Variants in XK observed in about 807,000 individuals in gnomAD.
The protein encoded by XK is X-linked Kx blood group antigen, Kell and VPS13A binding protein.
A neutral mutation model predicts 14.0 loss-of-function variants in XK; 2 were observed. That is an observed-to-expected ratio of 0.14 (90% CI 0.06 to 0.45). The LOEUF (loss-of-function observed/expected upper bound fraction) is 0.45, where lower values mean the gene tolerates loss of function less well. Ranked by LOEUF, XK falls within the 20% of genes least tolerant of loss-of-function variation. The pLI, the probability that XK is intolerant of heterozygous loss-of-function variation, is 0.98. For synonymous variants in XK, 149 were observed against 147.5 expected, an observed-to-expected ratio of 1.01 and a Z score of -0.08; for missense variants, 235 against 341.5, an observed-to-expected ratio of 0.69 and a Z score of 2.46.
At position 37,729,814 on chromosome X, in the gene XK, A is replaced by G. The variant is rs1556450717; in HGVS notation, c.*1352A>G. 4 of 111,838 alleles carry G rather than the reference A, an allele frequency of 3.6e-5. No individual in the cohort carries two copies. The highest frequency in any genetic ancestry group is 7.5e-5 in the Non-Finnish European group (4 of 53,098). 9.2% of individuals were successfully genotyped at this position (111,838 alleles called of 1,213,427 possible). On this transcript the variant is annotated 3_prime_UTR_variant, in exon 3 of 3. Coordinates refer to ENST00000378616, the MANE Select transcript of XK (RefSeq NM_021083.4). ...TGGACTCGATTTTACCATATGGAAT[A>G]GGGATCCACTTCTCTGTTAACCTAC...
intron 2 of XK, among the ~76,000 whole-genome samples, chrX:37,701,409 C>T (rs1927414368): frequency 8.9e-6 from 1 of 112,726 alleles, no homozygotes; most frequent in East Asian, 2.8e-4. Context: ...TTGTAGCAAT[C>T]TGTCCCCTTG....
intron 2 of XK, among the ~76,000 whole-genome samples, chrX:37,714,237 CT>C (rs1234852554): frequency 9.0e-6 from 1 of 111,621 alleles, no homozygotes; most frequent in Non-Finnish European, 1.9e-5. Context: ...CCAGCCTCTG[CT>C]TGATTATATT....
At chrX:37,711,302 T>G (rs1927659926) in intron 2 of XK, among the ~76,000 whole-genome samples, 1 of 112,318 alleles carries the variant, frequency 8.9e-6, no homozygotes, top group African/African-American at 3.2e-5. Flanking sequence ...AAAGATTCTG[T>G]GCACGTTGCC....
chrX:37,694,278 G>A lies in XK; in HGVS notation c.246-8G>A, dbSNP rs782347819. ...TCTAATTATTATGATTTCCTGATTT[G>A]TTTTCAGGTGTTTTGAAGTCTTCTG... On this transcript the variant is annotated splice_polypyrimidine_tract_variant and splice_region_variant and intron_variant, in intron 1 of 2. Coordinates refer to ENST00000378616, the MANE Select transcript of XK (RefSeq NM_021083.4). 2 of 1,211,112 alleles carry A rather than the reference G, an allele frequency of 1.7e-6. No individual in the cohort carries two copies. Among genetic ancestry groups the A allele is most frequent in the South Asian group, 1.8e-5 (1 of 56,824 alleles).
At chrX:37,688,188 G>C (rs112196715) in intron 1 of XK, among the ~76,000 whole-genome samples, 278 of 107,597 alleles carry the variant, frequency 2.6e-3, no homozygotes, top group African/African-American at 8.9e-3. Context: ...AGCCTCCTGA[G>C]TAGCTGGGAC....
chrX:37,728,030 A>C lies in XK; in HGVS notation c.903A>C (p.Lys301Asn). ...NMFCWSAVQL[K>N]IDSPDLISKS... ...TCTGCTGGTCTGCTGTACAGCTGAA[A>C]ATTGACAGCCCTGACCTCATCAGCA... The change falls in exon 3 of 3, where the codon AAA becomes AAC. Residue 301 changes from lysine (K) to asparagine (N), a missense_variant. Transcript: ENST00000378616. The C allele has an allele frequency of 8.3e-7, 1 of 1,211,387 alleles. No individual in the cohort carries two copies. The highest frequency in any genetic ancestry group is 1.1e-6 in the Non-Finnish European group (1 of 895,420).
intron 2 of XK, among the ~76,000 whole-genome samples, chrX:37,721,568 G>A (rs1927871790): frequency 1.8e-5 from 2 of 111,631 alleles, no homozygotes; most frequent in South Asian, 7.3e-4. Context: ...TGATGAAGAT[G>A]TGGAAAAATT....
At position 37,705,212 on chromosome X, in the gene XK, A is replaced by G. The variant is rs200206475; in HGVS notation, c.508+10664A>G. Among the ~76,000 whole-genome samples, 107 of 109,626 alleles carry G rather than the reference A, an allele frequency of 9.8e-4. No individual in the cohort carries two copies. The East Asian group carries it at 0.012, about 12-fold the overall frequency. On this transcript the variant is annotated intron_variant, in intron 2 of 2. Transcript: ENST00000378616. ...TGTAATCCCAGCACTTTGGGGGGCC[A>G]AGGCGGGCGGATCACGAGGTCAGGA...
chrX:37,687,312 G>C (rs1162271947), intron 1 of XK, among the ~76,000 whole-genome samples: 2 of 108,878 alleles, frequency 1.8e-5, no homozygotes, highest in East Asian at 5.7e-4. Flanking sequence ...TTATCAGCCA[G>C]GCTGGAGTGC....
intron 2 of XK, among the ~76,000 whole-genome samples, chrX:37,700,408 C>A (rs1556443524): frequency 8.9e-6 from 1 of 111,908 alleles, no homozygotes; most frequent in Non-Finnish European, 1.9e-5. Context: ...TGCCATCAGC[C>A]CATGCTATTA....
intron 2 of XK, among the ~76,000 whole-genome samples, chrX:37,705,295 A>C (rs1393725772): frequency 2.7e-5 from 3 of 109,467 alleles, no homozygotes; most frequent in Non-Finnish European, 5.7e-5. Flanking sequence ...AATACAAAAA[A>C]AAAAAAATTA....
chrX:37,719,910 C>A (rs1162962719), intron 2 of XK, among the ~76,000 whole-genome samples: 1 of 111,066 alleles, frequency 9.0e-6, no homozygotes, highest in Non-Finnish European at 1.9e-5. Flanking sequence ...AACTATCTTT[C>A]TCCAGGAAGA....
intron 1 of XK, among the ~76,000 whole-genome samples, chrX:37,692,422 A>T (rs1213529552): frequency 9.0e-6 from 1 of 110,914 alleles, no homozygotes; most frequent in African/African-American, 3.3e-5. Context: ...GTTTTGTTTT[A>T]GTTTGTTTTT....
chrX:37,690,743 G>C (rs1214841461), intron 1 of XK, among the ~76,000 whole-genome samples: 5 of 111,804 alleles, frequency 4.5e-5, no homozygotes, highest in African/African-American at 1.6e-4. Context: ...CATGGCGTGT[G>C]AATCATAAAA....
intron 2 of XK, among the ~76,000 whole-genome samples, chrX:37,708,889 A>G (rs1556446081): frequency 8.9e-6 from 1 of 112,506 alleles, no homozygotes; most frequent in African/African-American, 3.2e-5. Context: ...TCTTTAGAAC[A>G]GAAATATACT....
At chrX:37,701,603 C>T (rs970359540) in intron 2 of XK, among the ~76,000 whole-genome samples, 12 of 112,643 alleles carry the variant, frequency 1.1e-4, no homozygotes, top group Non-Finnish European at 2.2e-4. Flanking sequence ...TCCTGCTGGG[C>T]AGGTTTGCTC....
At chrX:37,694,796 G>A (rs1556442266) in intron 2 of XK, among the ~76,000 whole-genome samples, 1 of 111,977 alleles carries the variant, frequency 8.9e-6, no homozygotes, top group African/African-American at 3.3e-5. Flanking sequence ...TGGCTCAAAG[G>A]TAGGGGGCTA....
chrX:37,691,948 A>G (rs781845030), intron 1 of XK, among the ~76,000 whole-genome samples: 1 of 111,437 alleles, frequency 9.0e-6, no homozygotes, highest in South Asian at 3.8e-4. Context: ...CTATGATCAC[A>G]CCACTGCCCT....
intron 2 of XK, among the ~76,000 whole-genome samples, chrX:37,698,864 G>A (rs1380903047): frequency 8.9e-6 from 1 of 112,038 alleles, no homozygotes; most frequent in African/African-American, 3.2e-5. Flanking sequence ...GTCTAACCGA[G>A]TCTGGGAAAT....
Sources: gnomAD v4.1 joint callset for allele counts (sites outside exome capture counted in the v4.1 genomes callset) on GRCh38, gnomAD v4.1.1 for gene constraint, MANE v1.5 for transcripts, NCBI Gene and HGNC (gene_info 2026-07-23, HGNC 2026-07-21) for gene names.